DPYD: variants seen among roughly 807,000 people sequenced by gnomAD.
DPYD encodes the protein dihydropyrimidine dehydrogenase, also known as dihydropyrimidine dehydrogenase [NADP(+)].
Under a neutral mutation model 116.2 loss-of-function variants are expected in DPYD, and 109 were observed. The ratio of observed to expected loss-of-function variants is 0.94; its 90% CI spans 0.80 to 1.10. DPYD has a LOEUF of 1.10. Ranked by LOEUF, DPYD falls within the 50% of genes least tolerant of loss-of-function variation. DPYD has a pLI of 0.00. For synonymous variants in DPYD, 440 were observed against 432.0 expected (o/e 1.02, Z -0.23); for missense variants, 1,302 against 1,254.5 (o/e 1.04, Z -0.57).
At chr1:97,346,712 A>G (rs1281523320) in intron 16 of DPYD, among the ~76,000 whole-genome samples, 1 of 151,776 alleles carries the variant, frequency 6.6e-6, no homozygotes, top group African/African-American at 2.4e-5. Context: ...AAATTTTCTC[A>G]CTGGTTTGTA....
intron 12 of DPYD, among the ~76,000 whole-genome samples, chr1:97,519,477 A>G (rs1324313509): frequency 1.3e-5 from 2 of 152,112 alleles, no homozygotes; most frequent in African/African-American, 2.4e-5. Flanking sequence ...TTGAGTGGGG[A>G]CACAGTCAAA....
chr1:97,813,937 C>CACACACAT (rs1557981458), intron 3 of DPYD, among the ~76,000 whole-genome samples: 4 of 151,790 alleles, frequency 2.6e-5, no homozygotes, highest in African/African-American at 9.7e-5. Flanking sequence ...CACACACACA[C>CACACACAT]ACACACACAC....
intron 14 of DPYD, among the ~76,000 whole-genome samples, chr1:97,428,724 T>C (rs1309560949): frequency 6.6e-6 from 1 of 151,382 alleles, no homozygotes; most frequent in Non-Finnish European, 1.5e-5. Context: ...CACAAGTGAT[T>C]CAGATAAATT....
chr1:97,674,121 A>C (rs1660017485), intron 8 of DPYD, among the ~76,000 whole-genome samples: 1 of 152,278 alleles, frequency 6.6e-6, no homozygotes, highest in South Asian at 2.1e-4. Context: ...TGTTGTGTGA[A>C]CAGTGGTGGC....
intron 8 of DPYD, among the ~76,000 whole-genome samples, chr1:97,664,860 A>C (rs1301713503): frequency 6.6e-6 from 1 of 152,170 alleles, no homozygotes; most frequent in East Asian, 1.9e-4. Context: ...AAGCTAGAAC[A>C]CATGCACGCA....
At chr1:97,262,693 ATTC>A (rs571133063) in intron 18 of DPYD, among the ~76,000 whole-genome samples, 162 of 152,198 alleles carry the variant, frequency 1.1e-3, no homozygotes, top group Middle Eastern at 6.8e-3. Flanking sequence ...GAACAATATA[ATTC>A]TTCTTATTTC....
intron 2 of DPYD, among the ~76,000 whole-genome samples, chr1:97,862,715 T>C (rs895142206): frequency 3.9e-5 from 6 of 151,942 alleles, no homozygotes; most frequent in Non-Finnish European, 2.9e-5. Flanking sequence ...TCAAACATAA[T>C]ATCCCACAGT....
chr1:97,694,962 T>C (rs1661214576), intron 6 of DPYD, among the ~76,000 whole-genome samples: 1 of 152,216 alleles, frequency 6.6e-6, no homozygotes, highest in Admixed American at 6.5e-5. Flanking sequence ...AACTCTTTAA[T>C]AAACATTGTG....
intron 13 of DPYD, among the ~76,000 whole-genome samples, chr1:97,481,931 T>C (rs1678338932): frequency 6.6e-6 from 1 of 152,162 alleles, no homozygotes; most frequent in Non-Finnish European, 1.5e-5. Flanking sequence ...CAAACATTTC[T>C]AGAGAAGGAT....
At chr1:97,771,112 G>T (rs1022273562) in intron 3 of DPYD, among the ~76,000 whole-genome samples, 5 of 151,964 alleles carry the variant, frequency 3.3e-5, no homozygotes, top group Non-Finnish European at 5.9e-5. Flanking sequence ...GAGCTCAGGA[G>T]TTCGAGGTCA....
chr1:97,535,484 C>T (rs79328803), intron 12 of DPYD, among the ~76,000 whole-genome samples: 21 of 152,032 alleles, frequency 1.4e-4, no homozygotes, highest in South Asian at 6.2e-4. Flanking sequence ...AGATTCCCTA[C>T]GTATTGGATC....
At chr1:97,499,831 T>G (rs1265952395) in intron 13 of DPYD, among the ~76,000 whole-genome samples, 1 of 151,960 alleles carries the variant, frequency 6.6e-6, no homozygotes, top group Non-Finnish European at 1.5e-5. Flanking sequence ...TGTAAGTCAA[T>G]CCAAGGGTCA....
At chr1:97,879,676 G>A (rs2101634060) in intron 2 of DPYD, among the ~76,000 whole-genome samples, 2 of 151,942 alleles carry the variant, frequency 1.3e-5, no homozygotes, top group East Asian at 3.9e-4. Context: ...AGATATTCCT[G>A]GGCAATAATT....
chr1:97,582,580 G>C (rs1653768354), intron 10 of DPYD, among the ~76,000 whole-genome samples: 1 of 152,018 alleles, frequency 6.6e-6, no homozygotes, highest in Non-Finnish European at 1.5e-5. Context: ...ATTTTTATAT[G>C]TTAATTAATC....
intron 8 of DPYD, among the ~76,000 whole-genome samples, chr1:97,609,507 A>T (rs1655802188): frequency 6.6e-6 from 1 of 152,018 alleles, no homozygotes; most frequent in Non-Finnish European, 1.5e-5. Context: ...TTACTTAAAA[A>T]TATTTCTTAT....
intron 8 of DPYD, among the ~76,000 whole-genome samples, chr1:97,663,881 T>C (rs1205361968): frequency 6.6e-6 from 1 of 152,210 alleles, no homozygotes; most frequent in Non-Finnish European, 1.5e-5. Flanking sequence ...ATTATCCTTT[T>C]CCTACAGAGG....
At chr1:97,719,143 C>A (rs917828972) in intron 5 of DPYD, among the ~76,000 whole-genome samples, 6 of 96,810 alleles carry the variant, frequency 6.2e-5, no homozygotes, top group African/African-American at 2.5e-4. Context: ...AATGACAACA[C>A]AAGATCCACC....
At chr1:97,503,140 T>C (rs1679684052) in intron 13 of DPYD, among the ~76,000 whole-genome samples, 1 of 151,952 alleles carries the variant, frequency 6.6e-6, no homozygotes, top group African/African-American at 2.4e-5. Flanking sequence ...TCTTTTCATA[T>C]TATAATACTT....
chr1:97,121,531 G>T (rs1652428569), intron 20 of DPYD, among the ~76,000 whole-genome samples: 1 of 152,120 alleles, frequency 6.6e-6, no homozygotes, highest in Non-Finnish European at 1.5e-5. Context: ...GTTTCCCAAA[G>T]AATTATCATG....
Sources: gnomAD v4.1 joint callset for allele counts (sites outside exome capture counted in the v4.1 genomes callset) on GRCh38, gnomAD v4.1.1 for gene constraint, MANE v1.5 for transcripts, NCBI Gene and HGNC (gene_info 2026-07-23, HGNC 2026-07-21) for gene names.